Variants in TENM4 observed in about 807,000 individuals in gnomAD.
TENM4 encodes teneurin transmembrane protein 4, also known as teneurin-4.
TENM4 carries 82 observed loss-of-function variants against 243.3 expected under a neutral mutation model. That is an observed-to-expected ratio of 0.34 (90% CI 0.28 to 0.40). TENM4 has a LOEUF of 0.40. TENM4 is among the 10% of genes least tolerant of loss of function. TENM4 has a pLI of 1.00. For missense variants in TENM4, 3,138 were observed against 3,673.3 expected (o/e 0.85, Z 3.77); for synonymous variants, 1,412 against 1,456.3 (o/e 0.97, Z 0.69).
chr11:79,321,830 C>G (rs550151411), intron 1 of TENM4, among the ~76,000 whole-genome samples: 1 of 152,150 alleles, frequency 6.6e-6, no homozygotes, highest in African/African-American at 2.4e-5. Context: ...ATCAGAAGGG[C>G]TACGTATAGA....
intron 12 of TENM4, among the ~76,000 whole-genome samples, chr11:78,834,741 C>A (rs919823574): frequency 2.6e-5 from 4 of 152,150 alleles, no homozygotes; most frequent in Non-Finnish European, 5.9e-5. Flanking sequence ...GATATCTCTA[C>A]GGAACAAGCC....
intron 10 of TENM4, among the ~76,000 whole-genome samples, chr11:78,857,396 A>G (rs1858705826): frequency 6.6e-6 from 1 of 152,210 alleles, no homozygotes; most frequent in Non-Finnish European, 1.5e-5. Flanking sequence ...CTTTCCCCCT[A>G]GCTTTGTAAG....
chr11:79,397,385 G>C (rs1350615310), intron 1 of TENM4, among the ~76,000 whole-genome samples: 1 of 152,192 alleles, frequency 6.6e-6, no homozygotes, highest in Non-Finnish European at 1.5e-5. Context: ...GTAAGCCACA[G>C]AGTCAGGATT....
At chr11:79,113,392 G>GGTGTGTGT (rs113144339) in intron 4 of TENM4, among the ~76,000 whole-genome samples, 5,615 of 145,110 alleles carry the variant, frequency 0.039, 359 homozygotes, top group African/African-American at 0.13. Context: ...CTATTGGATT[G>GGTGTGTGT]GTGTGTGTGT....
At chr11:79,090,830 G>C (rs1278985952) in intron 4 of TENM4, among the ~76,000 whole-genome samples, 1 of 152,194 alleles carries the variant, frequency 6.6e-6, no homozygotes, top group African/African-American at 2.4e-5. Context: ...TGGGCATGAG[G>C]CTGCCAAGAT....
intron 1 of TENM4, among the ~76,000 whole-genome samples, chr11:79,372,682 G>T (rs930694463): frequency 2.0e-5 from 3 of 152,176 alleles, no homozygotes; most frequent in African/African-American, 7.2e-5. Flanking sequence ...TTCCTCTTCT[G>T]TGAAATGGGA....
chr11:79,009,051 C>T (rs990230470), intron 6 of TENM4, among the ~76,000 whole-genome samples: 1 of 152,160 alleles, frequency 6.6e-6, no homozygotes, highest in Non-Finnish European at 1.5e-5. Context: ...CATCTGTCTG[C>T]ATTTCTTCTG....
chr11:78,854,305 C>A lies in TENM4; in HGVS notation c.1480G>T (p.Val494Leu). Reference protein sequence around the residue: ...LPPSHTQFDFVELLDGRRLLT... With the variant: ...LPPSHTQFDFLELLDGRRLLT... ...AGCCTCCTGCCATCCAGCAGCTCCA[C>A]AAAGTCAAACTGAAAGACAGAGAAA... is the stretch of plus-strand genomic sequence containing the variant. Residue 494 changes from valine (V) to leucine (L), a missense_variant, in exon 12 of 34, where the codon GTG (valine) becomes TTG (leucine). Physicochemically the swap from Val to Leu is conservative, Grantham distance 32 (BLOSUM62 1). Around this residue, in one of 2 missense-constraint regions of TENM4, gnomAD observed 2,467 missense variants for 3,059.1 expected, o/e 0.81. Coordinates refer to ENST00000278550, the MANE Select transcript of TENM4 (RefSeq NM_001098816.3). The A allele has an allele frequency of 6.6e-7, 1 of 1,507,676 alleles. No homozygotes were observed. The allele number at this position is 1,507,676 out of a possible 1,614,324, so 93.4% of individuals were successfully genotyped here.
intron 6 of TENM4, among the ~76,000 whole-genome samples, chr11:78,940,911 CCTCAAGCCATTCTCT>C (rs1202985066): frequency 1.1e-4 from 16 of 152,200 alleles, no homozygotes; most frequent in Admixed American, 3.3e-4. Context: ...GAAATAGCAC[CCTCAAGCCATTCTCT>C]GTTAAAGCCA....
At chr11:79,023,905 C>T (rs1440866377) in intron 6 of TENM4, among the ~76,000 whole-genome samples, 1 of 152,168 alleles carries the variant, frequency 6.6e-6, no homozygotes, top group Admixed American at 6.5e-5. Flanking sequence ...TTGGCATTTA[C>T]TAAGTGCCAC....
In TENM4 at chr11:78,784,956, C is replaced by A. The variant is rs368785006; in HGVS notation, c.2365+1942G>T. On this transcript the variant is annotated intron_variant, in intron 16 of 33. Coordinates refer to ENST00000278550, the MANE Select transcript of TENM4 (RefSeq NM_001098816.3). ...AACATTTTTGTCCAACATTTGCAAA[C>A]GTTTTGGAGTTTGGTAAGATGAGCT... 1.9e-4 allele frequency among the ~76,000 whole-genome samples: 29 copies of A among 150,956 alleles called. No homozygotes were observed. In the East Asian group the frequency reaches 3.1e-3, roughly 16 times the overall value.
At chr11:79,161,683 A>G (rs906412967) in intron 3 of TENM4, among the ~76,000 whole-genome samples, 9 of 152,218 alleles carry the variant, frequency 5.9e-5, no homozygotes, top group Non-Finnish European at 1.3e-4. Flanking sequence ...GCAGACTTTT[A>G]GCCTGTCCAA....
At chr11:79,163,436 G>A (rs1240920567) in intron 3 of TENM4, among the ~76,000 whole-genome samples, 1 of 151,902 alleles carries the variant, frequency 6.6e-6, no homozygotes, top group African/African-American at 2.4e-5. Context: ...GGGGGAACAG[G>A]TGGTTCTTGG....
At chr11:78,998,179 G>C (rs1858225466) in intron 6 of TENM4, among the ~76,000 whole-genome samples, 1 of 152,174 alleles carries the variant, frequency 6.6e-6, no homozygotes, top group Non-Finnish European at 1.5e-5. Flanking sequence ...GTGGTCAATG[G>C]AACCACACCC....
At chr11:78,894,971 C>T (rs1490965738) in intron 7 of TENM4, among the ~76,000 whole-genome samples, 3 of 115,726 alleles carry the variant, frequency 2.6e-5, no homozygotes, top group African/African-American at 1.0e-4. Flanking sequence ...TCCAACGAGA[C>T]TCGGCCTTAA....
chr11:78,862,819 C>A (rs1858856618), intron 10 of TENM4, 143 bp downstream of exon 10: 1 of 865,120 alleles, frequency 1.2e-6, no homozygotes, highest in Non-Finnish European at 1.6e-6. Context: ...AGCTTGACAG[C>A]TGGCGTGGAG....
intron 2 of TENM4, among the ~76,000 whole-genome samples, chr11:79,280,814 G>T (rs1227124997): frequency 6.6e-6 from 1 of 152,206 alleles, no homozygotes; most frequent in Non-Finnish European, 1.5e-5. Flanking sequence ...GGACAGCCAG[G>T]CTGGGTTAGT....
chr11:78,794,103 C>G (rs1419806520), intron 15 of TENM4, among the ~76,000 whole-genome samples: 2 of 152,224 alleles, frequency 1.3e-5, no homozygotes, highest in Non-Finnish European at 2.9e-5. Flanking sequence ...TCCATCCACC[C>G]AAATGTGTAA....
chr11:79,052,060 G>A (rs184527402), intron 6 of TENM4, among the ~76,000 whole-genome samples: 185 of 152,234 alleles, frequency 1.2e-3, no homozygotes, highest in African/African-American at 4.3e-3. Flanking sequence ...TTTTGCTATT[G>A]TAAATAGTAC....
Sources: gnomAD v4.1 joint callset for allele counts (sites outside exome capture counted in the v4.1 genomes callset) on GRCh38, gnomAD v4.1.1 for gene constraint, gnomAD v4.1.1 regional missense constraint, MANE v1.5 for transcripts, NCBI Gene and HGNC (gene_info 2026-07-23, HGNC 2026-07-21) for gene names.